Variants in RANBP17 observed in about 807,000 individuals in gnomAD.
RANBP17 encodes ran-binding protein 17.
Under a neutral mutation model 141.2 loss-of-function variants are expected in RANBP17, and 158 were observed. The ratio of observed to expected loss-of-function variants is 1.12; its 90% confidence interval spans 0.98 to 1.28. The LOEUF (loss-of-function observed/expected upper bound fraction) is 1.28, where lower values mean the gene tolerates loss of function less well. Ranked by LOEUF, RANBP17 falls within the 50% of genes most tolerant of loss-of-function variation. RANBP17 has a pLI of 0.00. For synonymous variants in RANBP17, 430 were observed against 450.0 expected, an observed-to-expected ratio of 0.96 and a Z score of 0.56; for missense variants, 1,438 against 1,290.7, an observed-to-expected ratio of 1.11 and a Z score of -1.75.
In RANBP17 at chr5:170,933,886, T is replaced by C. The variant is rs1581179434; in HGVS notation, c.1468+9336T>C. Among the ~76,000 whole-genome samples the C allele has an allele frequency of 2.6e-5, 4 of 152,296 alleles. No individual in the cohort carries two copies. In the East Asian group the frequency reaches 5.8e-4, roughly 22 times the overall value. On this transcript the variant is annotated intron_variant, in intron 12 of 27. Transcript: ENST00000523189. Reference sequence around the variant, plus strand: ...GATGTGGTGCTGAGAAGAATGTATATTCTGTTGATTTGGGGTGGAGCGTTC... The same window carrying C: ...GATGTGGTGCTGAGAAGAATGTATACTCTGTTGATTTGGGGTGGAGCGTTC...
At chr5:171,266,706 G>C (rs1766709236) in intron 25 of RANBP17, among the ~76,000 whole-genome samples, 3 of 152,100 alleles carry the variant, frequency 2.0e-5, no homozygotes, top group African/African-American at 7.2e-5. Context: ...CAGGTCAGGA[G>C]TTCAAGACCA....
At chr5:171,128,232 A>C (rs1415250475) in intron 14 of RANBP17, among the ~76,000 whole-genome samples, 1 of 152,248 alleles carries the variant, frequency 6.6e-6, no homozygotes, top group Admixed American at 6.5e-5. Context: ...AGCAATAGCC[A>C]AGATATGGAA....
In RANBP17 at chr5:171,278,032, G is replaced by A. The variant is rs1487625236; in HGVS notation, c.2943+12185G>A. ...GACCCAAGCTGGCTCAGTTTGAGTC[G>A]TTCCTCCCTAGATTTAGAAACTGGC... On this transcript the variant is annotated intron_variant, in intron 25 of 27. Coordinates refer to ENST00000523189, the MANE Select transcript of RANBP17 (RefSeq NM_022897.5). Among the ~76,000 whole-genome samples the A allele has an allele frequency of 5.5e-5, 7 of 126,724 alleles. No individual in the cohort carries two copies. The South Asian group carries it at 7.8e-4, about 14-fold the overall frequency. The allele number at this position is 126,724 out of a possible 152,430, so 83.1% of individuals were successfully genotyped here. A position where few individuals can be genotyped will look rare whatever the true frequency, so the allele number is the denominator to read the frequency against.
At chr5:171,150,817 G>A (rs1758418943) in intron 14 of RANBP17, among the ~76,000 whole-genome samples, 1 of 152,138 alleles carries the variant, frequency 6.6e-6, no homozygotes. Flanking sequence ...ATTTTGTTTA[G>A]TTAGAAGTGA....
At chr5:170,939,525 C>T (rs1774159865) in intron 12 of RANBP17, among the ~76,000 whole-genome samples, 1 of 151,982 alleles carries the variant, frequency 6.6e-6, no homozygotes, top group South Asian at 2.1e-4. Context: ...GCTGGGACTA[C>T]AGTCATGCAC....
chr5:170,880,850 A>G (rs1224567787), intron 2 of RANBP17, among the ~76,000 whole-genome samples: 1 of 152,218 alleles, frequency 6.6e-6, no homozygotes, highest in East Asian at 1.9e-4. Context: ...GGTATGTGTC[A>G]TGTCATGACA....
chr5:171,169,407 G>T (rs1210621602), intron 14 of RANBP17, among the ~76,000 whole-genome samples: 1 of 152,070 alleles, frequency 6.6e-6, no homozygotes, highest in Non-Finnish European at 1.5e-5. Flanking sequence ...GGTATAAGTG[G>T]CATTTTCCCA....
At chr5:170,874,654 T>C (rs908115054) in intron 1 of RANBP17, among the ~76,000 whole-genome samples, 33 of 15,844 alleles carry the variant, frequency 2.1e-3, no homozygotes, top group African/African-American at 5.6e-3. Flanking sequence ...TAACCCCTGC[T>C]TTTTTTTTTG....
At chr5:171,007,558 G>T (rs919497247) in intron 14 of RANBP17, among the ~76,000 whole-genome samples, 1 of 152,068 alleles carries the variant, frequency 6.6e-6, no homozygotes, top group African/African-American at 2.4e-5. Flanking sequence ...ACAGGTGGGA[G>T]GGAAAGAAGG....
intron 14 of RANBP17, among the ~76,000 whole-genome samples, chr5:171,115,043 G>C (rs540956413): frequency 6.6e-6 from 1 of 152,134 alleles, no homozygotes; most frequent in East Asian, 1.9e-4. Flanking sequence ...CAAGAATGCA[G>C]TTAGCTGTGA....
At chr5:170,935,735 G>A (rs574243272) in intron 12 of RANBP17, among the ~76,000 whole-genome samples, 2 of 152,104 alleles carry the variant, frequency 1.3e-5, no homozygotes, top group African/African-American at 2.4e-5. Context: ...TAGGCTACTC[G>A]GGACTCAGGG....
intron 5 of RANBP17, among the ~76,000 whole-genome samples, chr5:170,907,322 T>C (rs958600171): frequency 1.3e-5 from 2 of 151,940 alleles, no homozygotes; most frequent in African/African-American, 4.8e-5. Flanking sequence ...TCTCAAAATA[T>C]TGGATATCTA....
At chr5:171,267,092 A>G (rs1766765142) in intron 25 of RANBP17, among the ~76,000 whole-genome samples, 1 of 141,170 alleles carries the variant, frequency 7.1e-6, no homozygotes, top group Non-Finnish European at 1.5e-5. Flanking sequence ...GCAGTGGCAC[A>G]ATCTGGGCTC....
intron 14 of RANBP17, among the ~76,000 whole-genome samples, chr5:171,018,941 A>C (rs1414573189): frequency 6.6e-6 from 1 of 152,152 alleles, no homozygotes; most frequent in African/African-American, 2.4e-5. Context: ...ATCAGTGCCT[A>C]GTTTATTGAG....
intron 22 of RANBP17, among the ~76,000 whole-genome samples, chr5:171,237,258 C>T (rs1320205364): frequency 2.0e-5 from 3 of 151,988 alleles, no homozygotes; most frequent in African/African-American, 7.2e-5. Flanking sequence ...AAGGAGAACC[C>T]CAAGCAGTTC....
At chr5:171,053,878 CATATATATAT>C (rs58623197) in intron 14 of RANBP17, among the ~76,000 whole-genome samples, 734 of 17,192 alleles carry the variant, frequency 0.043, 21 homozygotes, top group African/African-American at 0.078. Flanking sequence ...GTGTTTAGTT[CATATATATAT>C]ATATATATAT....
intron 21 of RANBP17, among the ~76,000 whole-genome samples, chr5:171,220,441 CTTTTTTTTTTT>C (rs1173697219): frequency 2.7e-5 from 2 of 73,032 alleles, no homozygotes; most frequent in South Asian, 4.8e-4. Context: ...CCAGATGATT[CTTTTTTTTTTT>C]TTTTTTTTTT....
At chr5:171,215,756 G>GT (rs1226244556) in intron 21 of RANBP17, among the ~76,000 whole-genome samples, 3 of 151,912 alleles carry the variant, frequency 2.0e-5, no homozygotes, top group African/African-American at 7.3e-5. Flanking sequence ...GGAGTTGTTT[G>GT]TTTTTTTCTT....
chr5:171,097,404 C>T (rs181753031), intron 14 of RANBP17, among the ~76,000 whole-genome samples: 98 of 152,044 alleles, frequency 6.4e-4, no homozygotes, highest in Non-Finnish European at 7.2e-4. Flanking sequence ...CCTTGGAGCA[C>T]AGCTTTGGGT....
Sources: gnomAD v4.1 joint callset for allele counts (sites outside exome capture counted in the v4.1 genomes callset) on GRCh38, gnomAD v4.1.1 for gene constraint, MANE v1.5 for transcripts, NCBI Gene and HGNC (gene_info 2026-07-23, HGNC 2026-07-21) for gene names.